Variants in SLIT3 observed in about 807,000 individuals in gnomAD.
SLIT3 encodes the protein slit homolog 3 protein.
Under a neutral mutation model 184.0 loss-of-function variants are expected in SLIT3, and 68 were observed. That is an observed-to-expected ratio of 0.37 (90% CI 0.30 to 0.45). The LOEUF (loss-of-function observed/expected upper bound fraction) is 0.45. SLIT3 is among the 20% of genes least tolerant of loss of function. The pLI is 1.00. For synonymous variants in SLIT3, 831 were observed against 828.6 expected (o/e 1.00, Z -0.05); for missense variants, 1,707 against 2,026.0 (o/e 0.84, Z 3.02).
intron 4 of SLIT3, among the ~76,000 whole-genome samples, chr5:169,063,889 T>C (rs967694337): frequency 1.3e-5 from 2 of 152,184 alleles, no homozygotes; most frequent in Non-Finnish European, 2.9e-5. Flanking sequence ...CTCCATTTCC[T>C]CTCAACATAA....
intron 20 of SLIT3, among the ~76,000 whole-genome samples, chr5:168,741,274 T>C (rs570050449): frequency 2.0e-5 from 3 of 151,754 alleles, no homozygotes; most frequent in South Asian, 2.1e-4. Context: ...ATTGAGACCA[T>C]CCTGGCTAAC....
rs1027908311 is a variant in SLIT3 at position 168,895,262 on chromosome 5, T to C, written c.414-11926A>G. On this transcript the variant is annotated intron_variant, in intron 4 of 35. Transcript: ENST00000519560. ...ATATGGCACTAGAGTTCCTCTTATG[T>C]GGCCCACTCTGTTCCACTGAGGAAA... 8.5e-5 allele frequency among the ~76,000 whole-genome samples: 13 copies of C among 152,244 alleles called. No homozygotes were observed. In the South Asian group the frequency reaches 2.5e-3, roughly 29 times the overall value.
intron 4 of SLIT3, among the ~76,000 whole-genome samples, chr5:169,052,610 G>T (rs117773646): frequency 6.6e-6 from 1 of 152,290 alleles, no homozygotes; most frequent in East Asian, 1.9e-4. Flanking sequence ...TATGGAGTGT[G>T]AGCACCAGTA....
intron 4 of SLIT3, among the ~76,000 whole-genome samples, chr5:169,193,065 C>T (rs941975715): frequency 1.3e-5 from 2 of 152,230 alleles, no homozygotes; most frequent in East Asian, 3.8e-4. Context: ...GCTGCTTCAA[C>T]CAGCAAGGTG....
rs542778643 is a variant in SLIT3 at position 168,775,366 on chromosome 5, C to A, written c.1152-988G>T. Among the ~76,000 whole-genome samples, 28 of 152,198 alleles carry A rather than the reference C, an allele frequency of 1.8e-4. No individual in the cohort carries two copies. The South Asian group carries it at 2.1e-3, about 11-fold the overall frequency. ...ACTGCATTTTCATTCCTCAGACACA[C>A]CAGATTTTTCCCTAGGACCTTTGAA... On this transcript the variant is annotated intron_variant, in intron 12 of 35. Transcript: ENST00000519560.
chr5:169,047,138 G>A (rs995096296), intron 4 of SLIT3, among the ~76,000 whole-genome samples: 2 of 152,110 alleles, frequency 1.3e-5, no homozygotes, highest in African/African-American at 2.4e-5. Context: ...TGGATGTCCT[G>A]CAGACGCCCC....
chr5:168,980,747 A>C (rs11955511), intron 4 of SLIT3, among the ~76,000 whole-genome samples: 8,178 of 152,344 alleles, frequency 0.054, 245 homozygotes, highest in African/African-American at 0.061. Context: ...TAACAGCAGA[A>C]GTTTGGGAGA....
At chr5:169,202,241 T>TAAATAAAATA (rs57011559) in intron 3 of SLIT3, among the ~76,000 whole-genome samples, 6 of 151,522 alleles carry the variant, frequency 4.0e-5, no homozygotes, top group Admixed American at 2.0e-4. Context: ...CAAAAATAAA[T>TAAATAAAATA]AAATAAAATA....
chr5:168,774,428 G>T (rs774244886), intron 12 of SLIT3, 50 bp from the exon 13 acceptor site: 5 of 1,562,296 alleles, frequency 3.2e-6, no homozygotes, highest in Non-Finnish European at 4.3e-6. Flanking sequence ...GTAATTACCT[G>T]CGGGGCAAGG....
At chr5:169,052,282 CA>C (rs755532554) in intron 4 of SLIT3, among the ~76,000 whole-genome samples, 58 of 152,220 alleles carry the variant, frequency 3.8e-4, no homozygotes, top group Middle Eastern at 3.4e-3. Flanking sequence ...GATGTTCTCA[CA>C]AAACATCTTC....
chr5:168,983,221 A>C (rs1224438537), intron 4 of SLIT3, among the ~76,000 whole-genome samples: 1 of 152,222 alleles, frequency 6.6e-6, no homozygotes, highest in Non-Finnish European at 1.5e-5. Context: ...TTAGGGATCA[A>C]AACATCACTT....
intron 4 of SLIT3, among the ~76,000 whole-genome samples, chr5:169,106,409 G>C (rs991535750): frequency 6.6e-6 from 1 of 152,030 alleles, no homozygotes; most frequent in African/African-American, 2.4e-5. Context: ...GGAGAGATGA[G>C]GGAACTCAAT....
At chr5:168,924,364 G>A (rs1222133419) in intron 4 of SLIT3, among the ~76,000 whole-genome samples, 11 of 152,166 alleles carry the variant, frequency 7.2e-5, no homozygotes. Flanking sequence ...TTGGGACCCA[G>A]TACCCTCCAT....
intron 4 of SLIT3, among the ~76,000 whole-genome samples, chr5:169,181,054 T>C (rs759382224): frequency 6.6e-6 from 1 of 152,174 alleles, no homozygotes; most frequent in African/African-American, 2.4e-5. Context: ...CACTATCATC[T>C]CTATGGACCA....
At chr5:168,998,727 A>T (rs1755597578) in intron 4 of SLIT3, among the ~76,000 whole-genome samples, 1 of 151,952 alleles carries the variant, frequency 6.6e-6, no homozygotes, top group Non-Finnish European at 1.5e-5. Flanking sequence ...ACAAAACAAA[A>T]CAAAACAAAA....
At chr5:168,876,221 C>T (rs1213143743) in intron 5 of SLIT3, among the ~76,000 whole-genome samples, 2 of 152,134 alleles carry the variant, frequency 1.3e-5, no homozygotes, top group East Asian at 3.9e-4. Context: ...TTTACTTGCT[C>T]GATTTAGGTC....
intron 4 of SLIT3, among the ~76,000 whole-genome samples, chr5:168,909,308 T>G (rs1399394978): frequency 6.6e-6 from 1 of 152,092 alleles, no homozygotes; most frequent in Non-Finnish European, 1.5e-5. Context: ...AAAATCAGAG[T>G]CAACATTTTA....
intron 26 of SLIT3, among the ~76,000 whole-genome samples, chr5:168,705,166 C>T (rs945886349): frequency 6.6e-6 from 1 of 152,156 alleles, no homozygotes; most frequent in African/African-American, 2.4e-5. Context: ...TCCACCTTAG[C>T]CCCTGCAATC....
In SLIT3 at chr5:168,956,663, G is replaced by A. The variant is rs189563602; in HGVS notation, c.414-73327C>T. Among the ~76,000 whole-genome samples, 434 of 152,088 alleles carry A rather than the reference G, an allele frequency of 2.9e-3. 4 individuals are homozygous for A. Among genetic ancestry groups the A allele is most frequent in the African/African-American group, 9.7e-3 (402 of 41,486 alleles). On this transcript the variant is annotated intron_variant, in intron 4 of 35. Coordinates refer to ENST00000519560, the MANE Select transcript of SLIT3 (RefSeq NM_003062.4). ...ACAAAAATTAGCTGGCCGTGGTGGCGGGCGCCTGTAGTCCAGCTGCTTGGG... is the reference window on the plus strand; with the variant it reads ...ACAAAAATTAGCTGGCCGTGGTGGCAGGCGCCTGTAGTCCAGCTGCTTGGG...
Sources: allele counts gnomAD v4.1 joint callset (sites outside exome capture counted in the v4.1 genomes callset), GRCh38; gene constraint gnomAD v4.1.1; transcripts MANE v1.5; gene names NCBI Gene and HGNC (gene_info 2026-07-23, HGNC 2026-07-21).